FZD7: variants seen among roughly 807,000 people sequenced by gnomAD.
FZD7 encodes the protein frizzled class receptor 7.
A neutral mutation model predicts 39.0 loss-of-function variants in FZD7; 21 were observed. That is an observed-to-expected ratio of 0.54 (90% CI 0.38 to 0.78). FZD7 has a LOEUF of 0.78. FZD7 is among the 30% of genes least tolerant of loss of function. The pLI, the probability that FZD7 is intolerant of heterozygous loss-of-function variation, is 0.00. For synonymous variants in FZD7, 428 were observed against 364.9 expected, an observed-to-expected ratio of 1.17 and a Z score of -1.97; for missense variants, 695 against 805.0, an observed-to-expected ratio of 0.86 and a Z score of 1.65.
Position 202,038,039 on chromosome 2 carries a change from C to G in FZD7, c.*1667C>G, listed in dbSNP as rs1247971669. On this transcript the variant is annotated 3_prime_UTR_variant, in exon 1 of 1. Coordinates refer to ENST00000286201, the MANE Select transcript of FZD7 (RefSeq NM_003507.2). ...GACACTACCCTCCAATCTTGCAACA[C>G]TATCCTGTTTCTCAGAACAGTTTTT... 9 of 167,218 alleles carry G rather than the reference C, an allele frequency of 5.4e-5. No homozygotes were observed. Among genetic ancestry groups the G allele is most frequent in the African/African-American group, 1.4e-4 (6 of 41,578 alleles). 10.4% of individuals were successfully genotyped at this position (167,218 alleles called of 1,614,324 possible).
In FZD7 at chr2:202,035,773, G is replaced by A. The variant is rs1272206298; in HGVS notation, c.1126G>A (p.Ala376Thr). Residue 376 changes from alanine to threonine, a missense_variant, in exon 1 of 1, where the codon GCC (alanine) becomes ACC (threonine). Physicochemically the swap from Ala to Thr is moderately conservative, Grantham distance 58. Coordinates refer to ENST00000286201, the MANE Select transcript of FZD7 (RefSeq NM_003507.2). ...GMKWGHEAIE[A>T]NSQYFHLAAW... is the part of the protein sequence containing the mutation. ...GAAGTGGGGCCACGAGGCCATCGAG[G>A]CCAACTCGCAGTACTTCCACCTGGC... 1 of 1,614,110 alleles carries A rather than the reference G, an allele frequency of 6.2e-7. No homozygotes were observed. Among genetic ancestry groups the A allele is most frequent in the African/African-American group, 1.3e-5 (1 of 75,080 alleles).
In FZD7 at chr2:202,035,830, A is replaced by G. The variant is rs1327270604; in HGVS notation, c.1183A>G (p.Thr395Ala). ...AWAVPAVKTI[T>A]ILAMGQVDGD... ...GGCCGTGCCCGCCGTCAAGACCATC[A>G]CTATCCTGGCCATGGGCCAGGTAGA... The change falls in exon 1 of 1, where the codon ACT becomes GCT. Residue 395 changes from threonine to alanine, a missense_variant. Coordinates refer to ENST00000286201, the MANE Select transcript of FZD7 (RefSeq NM_003507.2). 6.2e-7 allele frequency: 1 copy of G among 1,613,974 alleles called. No individual in the cohort carries two copies. Among genetic ancestry groups the G allele is most frequent in the Admixed American group, 1.7e-5 (1 of 60,020 alleles).
chr2:202,036,683 T>C lies in FZD7; in HGVS notation c.*311T>C. 2.8e-6 allele frequency: 1 copy of C among 360,402 alleles called. No individual in the cohort carries two copies. The highest frequency in any genetic ancestry group is 5.4e-6 in the Non-Finnish European group (1 of 186,834). The allele number at this position is 360,402 out of a possible 1,614,324, so 22.3% of individuals were successfully genotyped here. On this transcript the variant is annotated 3_prime_UTR_variant, in exon 1 of 1. Transcript: ENST00000286201. The stretch of plus-strand genomic sequence containing the variant: ...ATAGAAGGTTGAGACCAGCAGAGAC[T>C]GCTGTGAGTTTCTCCCGGCTCCGAG...
rs1233571370 is a variant in FZD7, at chr2:202,036,001, A to T, written c.1354A>T (p.Thr452Ser). The stretch of plus-strand genomic sequence containing the variant: ...CTTCGTGTCCCTCTTCCGTATCCGC[A>T]CCATCATGAAACACGACGGCACCAA... The part of the protein sequence containing the change: ...AGFVSLFRIR[T>S]IMKHDGTKTE... Residue 452 changes from threonine (T) to serine (S), a missense_variant, in exon 1 of 1, where the codon ACC (threonine) becomes TCC (serine). Thr to Ser is a moderately conservative substitution (Grantham distance 58). Transcript: ENST00000286201. 1.9e-6 allele frequency: 3 copies of T among 1,613,966 alleles called. No individual in the cohort carries two copies. Among genetic ancestry groups the T allele is most frequent in the Non-Finnish European group, 2.5e-6 (3 of 1,180,000 alleles).
In FZD7 at chr2:202,035,212, C is replaced by T. The variant is rs1688717786; in HGVS notation, c.565C>T (p.Pro189Ser). 6 of 1,599,872 alleles carry T rather than the reference C, an allele frequency of 3.8e-6. No individual in the cohort carries two copies. The highest frequency in any genetic ancestry group is 1.1e-5 in the South Asian group (1 of 90,916). The stretch of plus-strand genomic sequence containing the variant: ...TACCGCGCCCTACCTGCCGGACCTG[C>T]CCTTCACCGCGCTGCCCCCGGGGGC... Reference protein sequence around the residue: ...YPTAPYLPDLPFTALPPGASD... With the variant: ...YPTAPYLPDLSFTALPPGASD... The change falls in exon 1 of 1, where the codon CCC becomes TCC. Residue 189 changes from proline to serine, a missense_variant. Transcript: ENST00000286201.
Position 202,036,102 on chromosome 2 carries a change from C to T in FZD7, c.1455C>T (p.Val485=). ...TCTACACAGTGCCCGCCACCATCGT[C>T]CTGGCCTGCTACTTCTACGAGCAGG... The part of the protein sequence containing the change: ...SVLYTVPATI[V]LACYFYEQAF... The change falls in exon 1 of 1, where the codon GTC becomes GTT. Residue 485 remains valine (V), a synonymous_variant. Transcript: ENST00000286201. 6.2e-7 allele frequency: 1 copy of T among 1,614,000 alleles called. No individual in the cohort carries two copies. The highest frequency in any genetic ancestry group is 1.1e-5 in the South Asian group (1 of 91,084).
chr2:202,034,845 C>T lies in FZD7; in HGVS notation c.198C>T (p.Ile66=). The change falls in exon 1 of 1, where the codon ATC becomes ATT. Residue 66 remains isoleucine (I), a synonymous_variant. Coordinates refer to ENST00000286201, the MANE Select transcript of FZD7 (RefSeq NM_003507.2). ...CGGACATCGCCTACAACCAGACCAT[C>T]CTGCCCAACCTGCTGGGCCACACGA... ...LCTDIAYNQT[I]LPNLLGHTNQ... The T allele has an allele frequency of 3.7e-6, 6 of 1,614,122 alleles. No individual in the cohort carries two copies. Among genetic ancestry groups the T allele is most frequent in the Non-Finnish European group, 5.1e-6 (6 of 1,180,024 alleles).
At position 202,036,407 on chromosome 2, in the gene FZD7, C is replaced by G. The variant is rs534588552; in HGVS notation, c.*35C>G. On this transcript the variant is annotated 3_prime_UTR_variant, in exon 1 of 1. Coordinates refer to ENST00000286201, the MANE Select transcript of FZD7 (RefSeq NM_003507.2). ...CCTCCCCACCTTTCCCACCCCAGCC[C>G]TCTTGCAAGAGGAGAGGCACGGTAG... 371 of 1,532,230 alleles carry G rather than the reference C, an allele frequency of 2.4e-4. 4 individuals carry two copies. In the South Asian group the frequency reaches 4.2e-3, roughly 17 times the overall value. The allele number at this position is 1,532,230 out of a possible 1,614,324, so 94.9% of individuals were successfully genotyped here.
At position 202,036,223 on chromosome 2, in the gene FZD7, G is replaced by A. The variant is rs774136031; in HGVS notation, c.1576G>A (p.Asp526Asn). ...PPGHFPPMSP[D>N]FTVFMIKYLM... ...CGGCCACTTCCCGCCCATGAGCCCC[G>A]ACTTCACCGTCTTCATGATCAAGTA... The change falls in exon 1 of 1, where the codon GAC (aspartate) becomes AAC (asparagine). Residue 526 changes from aspartate (D) to asparagine (N), a missense_variant. Physicochemically the swap from Asp to Asn is conservative, Grantham distance 23 (BLOSUM62 1). Coordinates refer to ENST00000286201, the MANE Select transcript of FZD7 (RefSeq NM_003507.2). The A allele has an allele frequency of 1.2e-6, 2 of 1,613,554 alleles. No homozygotes were observed. The highest frequency in any genetic ancestry group is 2.2e-5 in the East Asian group (1 of 44,876).
rs940047358 is a variant in FZD7, at chr2:202,037,155, G to C, written c.*783G>C. On this transcript the variant is annotated 3_prime_UTR_variant, in exon 1 of 1. Coordinates refer to ENST00000286201, the MANE Select transcript of FZD7 (RefSeq NM_003507.2). ...GGGAAGGCAGGAGGCAGAAAGACGG[G>C]TGTTTTATTTGGTCTAATACCCTGA... 1 of 167,074 alleles carries C rather than the reference G, an allele frequency of 6.0e-6. No individual in the cohort carries two copies. Among genetic ancestry groups the C allele is most frequent in the African/African-American group, 2.4e-5 (1 of 41,432 alleles). 10.3% of individuals were successfully genotyped at this position (167,074 alleles called of 1,614,324 possible). A position where few individuals can be genotyped will look rare whatever the true frequency, so the allele number is the denominator to read the frequency against.
chr2:202,035,319 C>T lies in FZD7; in HGVS notation c.672C>T (p.Phe224=), dbSNP rs1390416373. 1.9e-6 allele frequency: 3 copies of T among 1,611,416 alleles called. No homozygotes were observed. Among genetic ancestry groups the T allele is most frequent in the Admixed American group, 3.3e-5 (2 of 59,962 alleles). Residue 224 remains phenylalanine (F), a synonymous_variant, in exon 1 of 1, where the codon TTC becomes TTT. Transcript: ENST00000286201. The part of the protein sequence containing the change: ...LKVPPYLGYR[F]LGERDCGAPC... Reference sequence around the variant, plus strand: ...TGCCCCCGTACCTGGGCTACCGCTTCCTGGGTGAGCGCGATTGTGGCGCCC... The same window carrying T: ...TGCCCCCGTACCTGGGCTACCGCTTTCTGGGTGAGCGCGATTGTGGCGCCC...
rs1365653267 is a variant in FZD7, at chr2:202,037,034, AT to A, written c.*663del. 6.0e-6 allele frequency: 1 copy of A among 167,172 alleles called. No individual in the cohort carries two copies. The highest frequency in any genetic ancestry group is 2.4e-5 in the African/African-American group (1 of 41,444). 10.4% of individuals were successfully genotyped at this position (167,172 alleles called of 1,614,324 possible). The stretch of plus-strand genomic sequence containing the variant: ...AGTCTTGGGAGGCCTGCCTGCTAGA[AT>A]CCTAATGTGAGGATGCAAAAGAAAT... On this transcript the variant is annotated 3_prime_UTR_variant, in exon 1 of 1. Coordinates refer to ENST00000286201, the MANE Select transcript of FZD7 (RefSeq NM_003507.2).
chr2:202,035,345 C>A lies in FZD7; in HGVS notation c.698C>A (p.Pro233Gln), dbSNP rs373396669. 1.2e-6 allele frequency: 2 copies of A among 1,612,214 alleles called. No homozygotes were observed. Among genetic ancestry groups the A allele is most frequent in the African/African-American group, 2.7e-5 (2 of 74,940 alleles). ...RFLGERDCGA[P>Q]CEPGRANGLM... is the part of the protein sequence containing the mutation. ...CTGGGTGAGCGCGATTGTGGCGCCC[C>A]GTGCGAACCGGGCCGTGCCAACGGC... The change falls in exon 1 of 1, where the codon CCG becomes CAG. Residue 233 changes from proline (P) to glutamine (Q), a missense_variant. Pro to Gln is a moderately conservative substitution (Grantham distance 76). Transcript: ENST00000286201.
Position 202,036,658 on chromosome 2 carries a change from A to G in FZD7, c.*286A>G, listed in dbSNP as rs538424242. On this transcript the variant is annotated 3_prime_UTR_variant, in exon 1 of 1. Transcript: ENST00000286201. The stretch of plus-strand genomic sequence containing the variant: ...AAAGGTACGGGCCAGCTTGTGCCTA[A>G]TAGAAGGTTGAGACCAGCAGAGACT... 1.8e-5 allele frequency: 8 copies of G among 440,726 alleles called. No individual in the cohort carries two copies. The highest frequency in any genetic ancestry group is 8.0e-5 in the African/African-American group (4 of 50,314). The allele number at this position is 440,726 out of a possible 1,614,324, so 27.3% of individuals were successfully genotyped here.
chr2:202,036,200 G>T lies in FZD7; in HGVS notation c.1553G>T (p.Gly518Val). The change falls in exon 1 of 1, where the codon GGC becomes GTC. Residue 518 changes from glycine to valine, a missense_variant. Gly to Val is a moderately radical substitution (Grantham distance 109, BLOSUM62 -3). Coordinates refer to ENST00000286201, the MANE Select transcript of FZD7 (RefSeq NM_003507.2). ...CKSYAVPCPP[G>V]HFPPMSPDFT... is the part of the protein sequence containing the mutation. ...AGCTATGCCGTGCCCTGCCCGCCCG[G>T]CCACTTCCCGCCCATGAGCCCCGAC... The T allele has an allele frequency of 1.2e-6, 2 of 1,613,586 alleles. No individual in the cohort carries two copies. The highest frequency in any genetic ancestry group is 8.5e-7 in the Non-Finnish European group (1 of 1,180,022).
rs144596720 is a variant in FZD7 at position 202,034,935 on chromosome 2, C to T, written c.288C>T (p.Pro96=). 870 of 1,614,170 alleles carry T rather than the reference C, an allele frequency of 5.4e-4. 6 individuals carry two copies. The African/African-American group carries it at 0.01, about 19-fold the overall frequency. ...FYPLVKVQCS[P]ELRFFLCSMY... ...CGCTGGTGAAGGTGCAGTGTTCTCC[C>T]GAACTCCGCTTTTTCTTATGCTCCA... is the stretch of plus-strand genomic sequence containing the variant. Residue 96 remains proline (P), a synonymous_variant, in exon 1 of 1, where the codon CCC becomes CCT. Coordinates refer to ENST00000286201, the MANE Select transcript of FZD7 (RefSeq NM_003507.2).
In FZD7 at chr2:202,034,834, A is replaced by T; in HGVS notation, c.187A>T (p.Asn63Tyr). 1 of 1,613,992 alleles carries T rather than the reference A, an allele frequency of 6.2e-7. No individual in the cohort carries two copies. Among genetic ancestry groups the T allele is most frequent in the Non-Finnish European group, 8.5e-7 (1 of 1,180,016 alleles). The change falls in exon 1 of 1, where the codon AAC becomes TAC. Residue 63 changes from asparagine to tyrosine, a missense_variant. Asn to Tyr is a moderately radical substitution (Grantham distance 143). Coordinates refer to ENST00000286201, the MANE Select transcript of FZD7 (RefSeq NM_003507.2). ...SIPLCTDIAY[N>Y]QTILPNLLGH... ...CCCGCTGTGCACGGACATCGCCTAC[A>T]ACCAGACCATCCTGCCCAACCTGCT... is the stretch of plus-strand genomic sequence containing the variant.
rs1688750415 is a variant in FZD7 at position 202,036,661 on chromosome 2, G to C, written c.*289G>C. ...GGTACGGGCCAGCTTGTGCCTAATAGAAGGTTGAGACCAGCAGAGACTGCT... is the reference window on the plus strand; with the variant it reads ...GGTACGGGCCAGCTTGTGCCTAATACAAGGTTGAGACCAGCAGAGACTGCT... On this transcript the variant is annotated 3_prime_UTR_variant, in exon 1 of 1. Transcript: ENST00000286201. The C allele has an allele frequency of 2.3e-6, 1 of 434,758 alleles. No homozygotes were observed. The highest frequency in any genetic ancestry group is 4.3e-6 in the Non-Finnish European group (1 of 229,902). The allele number at this position is 434,758 out of a possible 1,614,324, so 26.9% of individuals were successfully genotyped here.
rs1436258954 is a variant in FZD7, at chr2:202,034,385, C to T, written c.-263C>T. 6.6e-6 allele frequency among the ~76,000 whole-genome samples: 1 copy of T among 151,714 alleles called. No homozygotes were observed. Among genetic ancestry groups the T allele is most frequent in the Non-Finnish European group, 1.5e-5 (1 of 67,886 alleles). On this transcript the variant is annotated 5_prime_UTR_variant, in exon 1 of 1. Coordinates refer to ENST00000286201, the MANE Select transcript of FZD7 (RefSeq NM_003507.2). ...CGTCCCCGCGGGGAGAGCGAGGCGG[C>T]CCTCCTCGGCGCCCCCAACCCAGGC...
Sources: allele counts gnomAD v4.1 joint callset (sites outside exome capture counted in the v4.1 genomes callset), GRCh38; gene constraint gnomAD v4.1.1; transcripts MANE v1.5; gene names NCBI Gene and HGNC (gene_info 2026-07-23, HGNC 2026-07-21).